RAPGEF2: variants seen among roughly 807,000 people sequenced by gnomAD.
RAPGEF2 encodes PDZ domain containing guanine nucleotide exchange factor (GEF) 1.
A neutral mutation model predicts 186.7 loss-of-function variants in RAPGEF2; 54 were observed. The observed-to-expected ratio is 0.29, with a 90% CI of 0.23 to 0.36. The LOEUF is 0.36. RAPGEF2 is among the 10% of genes least tolerant of loss of function. The probability of loss-of-function intolerance (pLI) is 1.00; values close to 1 mark genes in which losing one functional copy is unlikely to be tolerated. For missense variants in RAPGEF2, 1,532 were observed against 2,045.0 expected (o/e 0.75, Z 4.84); for synonymous variants, 712 against 705.9 (o/e 1.01, Z -0.14).
chr4:159,330,558 A>G lies in RAPGEF2; in HGVS notation c.1467+60A>G, dbSNP rs1766547433. Reference sequence around the variant, plus strand: ...GAAATGTAAACCTAAAGATACTTTAATGTGTATATTTGTCACAGCAATTAT... The same window carrying G: ...GAAATGTAAACCTAAAGATACTTTAGTGTGTATATTTGTCACAGCAATTAT... On this transcript the variant is annotated intron_variant, in intron 13 of 29. Coordinates refer to ENST00000691494, the MANE Select transcript of RAPGEF2 (RefSeq NM_001394067.2). The G allele has an allele frequency of 6.5e-6, 8 of 1,229,602 alleles. No homozygotes were observed. The African/African-American group carries it at 7.8e-5, about 12-fold the overall frequency. 76.2% of individuals were successfully genotyped at this position (1,229,602 alleles called of 1,614,324 possible). A position where few individuals can be genotyped will look rare whatever the true frequency, so the allele number is the denominator to read the frequency against.
Position 159,358,386 on chromosome 4 carries a change from T to C in RAPGEF2, c.*247T>C, listed in dbSNP as rs1446646322. 2 of 430,990 alleles carry C rather than the reference T, an allele frequency of 4.6e-6. No homozygotes were observed. Among genetic ancestry groups the C allele is most frequent in the Non-Finnish European group, 8.2e-6 (2 of 245,306 alleles). 26.7% of individuals were successfully genotyped at this position (430,990 alleles called of 1,614,324 possible). ...CTTGAAATGCACAGTGCAGCAATCT[T>C]CGAGCTCCCACTGTTGCTGCCTGCC... On this transcript the variant is annotated 3_prime_UTR_variant, in exon 30 of 30. Transcript: ENST00000691494.
intron 1 of RAPGEF2, among the ~76,000 whole-genome samples, chr4:159,164,824 C>T (rs1745125676): frequency 6.6e-6 from 1 of 152,160 alleles, no homozygotes; most frequent in Admixed American, 6.5e-5. Context: ...GTAAAACTGA[C>T]TGCTAGGATC....
intron 1 of RAPGEF2, among the ~76,000 whole-genome samples, chr4:159,179,998 T>C (rs553126379): frequency 4.6e-5 from 7 of 152,302 alleles, no homozygotes; most frequent in East Asian, 1.9e-4. Context: ...TGAGCCGATA[T>C]GGGGCTTGGG....
At chr4:159,117,267 A>C (rs1336438154) in intron 1 of RAPGEF2, among the ~76,000 whole-genome samples, 1 of 152,200 alleles carries the variant, frequency 6.6e-6, no homozygotes, top group Non-Finnish European at 1.5e-5. Flanking sequence ...TGTAGCTGTG[A>C]GAAATTGAAG....
Position 159,358,220 on chromosome 4 carries a change from C to T in RAPGEF2, c.*81C>T. ...CGTCCTGAGCATTGGAGCCTTGGAA[C>T]TCACATTCTGAGGACGGTGGACCAG... On this transcript the variant is annotated 3_prime_UTR_variant, in exon 30 of 30. Coordinates refer to ENST00000691494, the MANE Select transcript of RAPGEF2 (RefSeq NM_001394067.2). The T allele has an allele frequency of 7.0e-7, 1 of 1,427,600 alleles. No homozygotes were observed. The highest frequency in any genetic ancestry group is 9.6e-7 in the Non-Finnish European group (1 of 1,039,224). The allele number at this position is 1,427,600 out of a possible 1,614,324, so 88.4% of individuals were successfully genotyped here.
intron 7 of RAPGEF2, among the ~76,000 whole-genome samples, chr4:159,286,062 C>T (rs1016583891): frequency 1.4e-5 from 2 of 143,374 alleles, no homozygotes; most frequent in Non-Finnish European, 3.1e-5. Context: ...ACCACCACCA[C>T]CACCACCACC....
chr4:159,168,039 T>C (rs1745509982), intron 1 of RAPGEF2, among the ~76,000 whole-genome samples: 1 of 152,234 alleles, frequency 6.6e-6, no homozygotes, highest in South Asian at 2.1e-4. Flanking sequence ...TGAAATTTTG[T>C]CATGTTGTCC....
chr4:159,128,091 A>G (rs1740566867), intron 1 of RAPGEF2, among the ~76,000 whole-genome samples: 1 of 152,192 alleles, frequency 6.6e-6, no homozygotes, highest in African/African-American at 2.4e-5. Flanking sequence ...TGTTTTATAC[A>G]TGTACCTTAT....
At chr4:159,228,658 C>A (rs181590682) in intron 4 of RAPGEF2, among the ~76,000 whole-genome samples, 1 of 151,978 alleles carries the variant, frequency 6.6e-6, no homozygotes, top group Non-Finnish European at 1.5e-5. Flanking sequence ...TCAGTTTTCC[C>A]AATACTTCTG....
At chr4:159,249,576 ATTAT>A (rs1755057588) in intron 7 of RAPGEF2, among the ~76,000 whole-genome samples, 4 of 151,862 alleles carry the variant, frequency 2.6e-5, no homozygotes, top group Admixed American at 2.0e-4. Context: ...AAATATTTTA[ATTAT>A]TTATATTAAG....
chr4:159,175,390 C>T (rs1285008020), intron 1 of RAPGEF2, among the ~76,000 whole-genome samples: 4 of 151,898 alleles, frequency 2.6e-5, no homozygotes, highest in African/African-American at 7.3e-5. Context: ...ATGAGTCACT[C>T]GGATGCACAA....
chr4:159,240,493 C>T (rs888627796), intron 5 of RAPGEF2, among the ~76,000 whole-genome samples: 10 of 151,858 alleles, frequency 6.6e-5, no homozygotes, highest in African/African-American at 2.4e-4. Flanking sequence ...GCCACCACAC[C>T]CAGCTACTTT....
At chr4:159,344,772 T>C (rs1030131938) in intron 23 of RAPGEF2, among the ~76,000 whole-genome samples, 7 of 152,234 alleles carry the variant, frequency 4.6e-5, no homozygotes, top group Non-Finnish European at 8.8e-5. Context: ...TTAATGATTA[T>C]AGCTGTGTAT....
intron 3 of RAPGEF2, among the ~76,000 whole-genome samples, chr4:159,198,669 C>T (rs1349762602): frequency 6.6e-6 from 1 of 151,182 alleles, no homozygotes; most frequent in African/African-American, 2.4e-5. Context: ...TGGTCTCAAA[C>T]TCCTGACCTC....
chr4:159,336,119 C>T (rs1269894934), intron 17 of RAPGEF2, among the ~76,000 whole-genome samples: 1 of 151,546 alleles, frequency 6.6e-6, no homozygotes, highest in Non-Finnish European at 1.5e-5. Context: ...CCCGGACTGA[C>T]CTATGAATTT....
intron 4 of RAPGEF2, among the ~76,000 whole-genome samples, chr4:159,236,606 G>A (rs987526533): frequency 6.6e-6 from 1 of 151,388 alleles, no homozygotes; most frequent in African/African-American, 2.4e-5. Flanking sequence ...ATTTAAAAAC[G>A]CATAAACATT....
intron 7 of RAPGEF2, chr4:159,267,211 T>C (rs1480899885): frequency 7.8e-7 from 1 of 1,288,870 alleles, no homozygotes; most frequent in African/African-American, 1.5e-5. Flanking sequence ...GTTTGTTTCC[T>C]AAGAGGAATT....
At chr4:159,147,669 A>G (rs1229778188) in intron 1 of RAPGEF2, among the ~76,000 whole-genome samples, 1 of 152,234 alleles carries the variant, frequency 6.6e-6, no homozygotes, top group Non-Finnish European at 1.5e-5. Flanking sequence ...ACAAAACAGA[A>G]TGCATACTGT....
intron 24 of RAPGEF2, among the ~76,000 whole-genome samples, chr4:159,346,399 A>C (rs538836391): frequency 1.3e-5 from 2 of 152,350 alleles, no homozygotes; most frequent in South Asian, 4.1e-4. Context: ...CATGTCAAAC[A>C]ATTTGGGACA....
Sources: gnomAD v4.1 joint callset for allele counts (sites outside exome capture counted in the v4.1 genomes callset) on GRCh38, gnomAD v4.1.1 for gene constraint, MANE v1.5 for transcripts, NCBI Gene and HGNC (gene_info 2026-07-23, HGNC 2026-07-21) for gene names.